The following FNDC3B variants were observed in gnomAD, a reference collection of about 807,000 sequenced individuals.
The protein encoded by FNDC3B is fibronectin type III domain-containing protein 3B.
In FNDC3B, 12 loss-of-function variants were observed where a neutral mutation model predicts 151.5. The ratio of observed to expected loss-of-function variants is 0.08; its 90% CI spans 0.05 to 0.13. The LOEUF is 0.13. Ranked by LOEUF, FNDC3B falls within the 10% of genes least tolerant of loss-of-function variation. The probability of loss-of-function intolerance (pLI) is 1.00; values close to 1 mark genes in which losing one functional copy is unlikely to be tolerated. For missense variants in FNDC3B, 1,214 were observed against 1,505.3 expected (o/e 0.81, Z 3.20); for synonymous variants, 528 against 549.0 (o/e 0.96, Z 0.54).
At chr3:172,069,264 C>CT (rs1717652633) in intron 1 of FNDC3B, among the ~76,000 whole-genome samples, 2 of 152,144 alleles carry the variant, frequency 1.3e-5, no homozygotes, top group Non-Finnish European at 2.9e-5. Flanking sequence ...CTGCTGTTGG[C>CT]TGCTGTCTCC....
chr3:172,137,512 C>G (rs1222893969), intron 3 of FNDC3B, among the ~76,000 whole-genome samples: 2 of 152,076 alleles, frequency 1.3e-5, no homozygotes, highest in Non-Finnish European at 2.9e-5. Context: ...AAAAATTAGT[C>G]AGGTGTGGTG....
At chr3:172,246,759 C>A (rs1727798390) in intron 4 of FNDC3B, among the ~76,000 whole-genome samples, 1 of 152,172 alleles carries the variant, frequency 6.6e-6, no homozygotes, top group African/African-American at 2.4e-5. Context: ...AATCCCATTT[C>A]TAAAAATAAA....
intron 11 of FNDC3B, among the ~76,000 whole-genome samples, chr3:172,326,577 C>T (rs373391357): frequency 1.6e-4 from 24 of 152,168 alleles, no homozygotes; most frequent in South Asian, 1.0e-3. Flanking sequence ...AGTGCACTGG[C>T]GCCATTTTTA....
intron 1 of FNDC3B, among the ~76,000 whole-genome samples, chr3:172,054,722 G>A (rs1007269002): frequency 2.0e-5 from 3 of 152,092 alleles, no homozygotes; most frequent in African/African-American, 4.8e-5. Flanking sequence ...TGAACAGGGG[G>A]GTAGGGGGTG....
At chr3:172,351,034 A>G (rs1046875492) in intron 21 of FNDC3B, among the ~76,000 whole-genome samples, 3 of 152,248 alleles carry the variant, frequency 2.0e-5, no homozygotes, top group African/African-American at 7.2e-5. Flanking sequence ...CATACTCTGT[A>G]TCAAGTACAG....
At chr3:172,321,652 T>C in intron 11 of FNDC3B, 1 of 186,806 alleles carries the variant, frequency 5.4e-6, no homozygotes, top group South Asian at 1.3e-4. Context: ...GCAATTCTCC[T>C]GCCTCAGCCT....
chr3:172,098,663 A>G (rs1395308600), intron 1 of FNDC3B, among the ~76,000 whole-genome samples: 1 of 152,188 alleles, frequency 6.6e-6, no homozygotes, highest in East Asian at 1.9e-4. Context: ...TTTAAAGAAA[A>G]ACAAAGCAAT....
At chr3:172,192,948 T>A (rs769256429) in intron 3 of FNDC3B, among the ~76,000 whole-genome samples, 1 of 152,128 alleles carries the variant, frequency 6.6e-6, no homozygotes, top group Non-Finnish European at 1.5e-5. Context: ...GAATTTATTA[T>A]CTGTAGAGTT....
chr3:172,089,934 A>G (rs535895304), intron 1 of FNDC3B, among the ~76,000 whole-genome samples: 1 of 152,244 alleles, frequency 6.6e-6, no homozygotes, highest in Non-Finnish European at 1.5e-5. Context: ...TGATTTCGAC[A>G]TATATAATTC....
intron 24 of FNDC3B, 73 bp from the exon 25 acceptor site, chr3:172,380,893 A>T: frequency 1.3e-6 from 2 of 1,537,802 alleles, no homozygotes; most frequent in Non-Finnish European, 1.8e-6. Context: ...GGTTCTCACT[A>T]ATAGTGCTAA....
chr3:172,125,412 C>T (rs563678902), intron 2 of FNDC3B, among the ~76,000 whole-genome samples: 3 of 152,094 alleles, frequency 2.0e-5, no homozygotes, highest in Admixed American at 6.5e-5. Flanking sequence ...TGCTCCCTCC[C>T]GGGTCAGCAG....
intron 3 of FNDC3B, among the ~76,000 whole-genome samples, chr3:172,189,128 A>C (rs139843686): frequency 6.0e-4 from 92 of 152,330 alleles, no homozygotes; most frequent in African/African-American, 2.0e-3. Context: ...ACCTAAACTT[A>C]GTAAATTTTT....
At chr3:172,229,928 T>C (rs555998325) in intron 4 of FNDC3B, among the ~76,000 whole-genome samples, 1 of 152,218 alleles carries the variant, frequency 6.6e-6, no homozygotes, top group Non-Finnish European at 1.5e-5. Flanking sequence ...ATCTTTTCAA[T>C]AAATGGTGCT....
chr3:172,227,516 A>G (rs923997685), intron 4 of FNDC3B, among the ~76,000 whole-genome samples: 6 of 152,216 alleles, frequency 3.9e-5, no homozygotes, highest in African/African-American at 1.4e-4. Flanking sequence ...GAAGGGTAGA[A>G]AAGCTTTAAA....
chr3:172,076,403 G>T (rs536878303), intron 1 of FNDC3B, among the ~76,000 whole-genome samples: 1 of 152,286 alleles, frequency 6.6e-6, no homozygotes, highest in Non-Finnish European at 1.5e-5. Flanking sequence ...AATGTCAAAT[G>T]AAATACCCAA....
Position 172,347,309 on chromosome 3 carries a change from G to A in FNDC3B, c.2462G>A (p.Arg821His), listed in dbSNP as rs781409204. The A allele has an allele frequency of 1.5e-5, 24 of 1,613,854 alleles. No individual in the cohort carries two copies. In the East Asian group the frequency reaches 1.8e-4, roughly 12 times the overall value. Residue 821 changes from arginine (R) to histidine (H), a missense_variant, in exon 21 of 26, where the codon CGT becomes CAT. This residue lies in a region of FNDC3B where 380 missense variants were observed against 420.9 expected (regional missense o/e 0.90). Transcript: ENST00000415807. Reference protein sequence around the residue: ...LELIYHGTDTRFEIRDLLPAA... With the variant: ...LELIYHGTDTHFEIRDLLPAA... ...CTCATTTATCATGGGACAGACACCC[G>A]TTTTGAAATAAGAGACCTGTTGCCT...
chr3:172,370,733 T>C (rs899239001), intron 23 of FNDC3B, among the ~76,000 whole-genome samples: 1 of 152,250 alleles, frequency 6.6e-6, no homozygotes, highest in Non-Finnish European at 1.5e-5. Context: ...CAGAATAAAA[T>C]AAGCAGTCAT....
At chr3:172,386,388 A>G (rs1271805541) in intron 25 of FNDC3B, among the ~76,000 whole-genome samples, 3 of 152,204 alleles carry the variant, frequency 2.0e-5, no homozygotes, top group African/African-American at 7.2e-5. Context: ...ATTATTACCT[A>G]TTGGCAGTCA....
At position 172,225,400 on chromosome 3, in the gene FNDC3B, T is replaced by A. The variant is rs139323313; in HGVS notation, c.188-1471T>A. On this transcript the variant is annotated intron_variant, in intron 3 of 25. Transcript: ENST00000415807. ...GTTGCCCAGGCTGGTCTCAAACTCC[T>A]GGGCTCAAGTGAGCCACAGTGCTGA... 1.2e-3 allele frequency: 241 copies of A among 205,816 alleles called. 1 individual carries two copies. Among genetic ancestry groups the A allele is most frequent in the African/African-American group, 5.3e-3 (228 of 42,914 alleles). 12.7% of individuals were successfully genotyped at this position (205,816 alleles called of 1,614,324 possible).
Sources: gnomAD v4.1 joint callset for allele counts (sites outside exome capture counted in the v4.1 genomes callset) on GRCh38, gnomAD v4.1.1 for gene constraint, gnomAD v4.1.1 regional missense constraint, MANE v1.5 for transcripts, NCBI Gene and HGNC (gene_info 2026-07-23, HGNC 2026-07-21) for gene names.